The following RNF180 variants were observed in gnomAD, a reference collection of about 807,000 sequenced individuals.
RNF180 encodes E3 ubiquitin-protein ligase RNF180.
A neutral mutation model predicts 59.2 loss-of-function variants in RNF180; 38 were observed. The ratio of observed to expected loss-of-function variants is 0.64; its 90% CI spans 0.50 to 0.84. The LOEUF (loss-of-function observed/expected upper bound fraction) is 0.84. Ranked by LOEUF, RNF180 falls within the 40% of genes least tolerant of loss-of-function variation. RNF180 has a pLI of 0.00. For synonymous variants in RNF180, 262 were observed against 240.3 expected (o/e 1.09, Z -0.84); for missense variants, 705 against 700.9 (o/e 1.01, Z -0.07).
chr5:64,187,873 T>C (rs1750948102), intron 1 of RNF180, among the ~76,000 whole-genome samples: 1 of 152,224 alleles, frequency 6.6e-6, no homozygotes. Context: ...CCTAAGGTGT[T>C]CTTAAATGAT....
chr5:64,197,298 T>C (rs1751503204), intron 1 of RNF180, among the ~76,000 whole-genome samples: 2 of 152,232 alleles, frequency 1.3e-5, no homozygotes, highest in African/African-American at 4.8e-5. Flanking sequence ...AACAACACTT[T>C]TGAGATAGCT....
intron 5 of RNF180, among the ~76,000 whole-genome samples, chr5:64,304,616 A>G (rs562911028): frequency 2.9e-4 from 44 of 151,820 alleles, no homozygotes; most frequent in Admixed American, 5.9e-4. Context: ...CTACAATCTC[A>G]TGATACAATT....
intron 5 of RNF180, 195 bp downstream of exon 5, chr5:64,217,591 T>C (rs1263169579): frequency 5.9e-6 from 5 of 845,226 alleles, no homozygotes; most frequent in Non-Finnish European, 7.9e-6. Flanking sequence ...TAATTTGCTT[T>C]TCCTTAAGGA....
At chr5:64,333,336 C>A (rs540178585) in intron 7 of RNF180, among the ~76,000 whole-genome samples, 11 of 152,058 alleles carry the variant, frequency 7.2e-5, no homozygotes, top group Non-Finnish European at 1.6e-4. Flanking sequence ...TGCTACCATG[C>A]CAAGCTTTTT....
At chr5:64,313,742 A>T (rs536497950) in intron 5 of RNF180, among the ~76,000 whole-genome samples, 36 of 152,168 alleles carry the variant, frequency 2.4e-4, no homozygotes, top group South Asian at 2.3e-3. Context: ...TGCTTTCCAC[A>T]GTAGCTGAAC....
intron 5 of RNF180, among the ~76,000 whole-genome samples, chr5:64,295,991 T>C (rs1742864026): frequency 6.6e-6 from 1 of 152,186 alleles, no homozygotes; most frequent in South Asian, 2.1e-4. Context: ...CTTGCTTCCA[T>C]TGTTTTGCTC....
intron 5 of RNF180, among the ~76,000 whole-genome samples, chr5:64,227,817 A>C (rs1741862658): frequency 6.6e-6 from 1 of 152,206 alleles, no homozygotes; most frequent in African/African-American, 2.4e-5. Context: ...AAAATAAATA[A>C]ATAAATAAAA....
At chr5:64,210,589 G>A (rs746577461) in intron 2 of RNF180, among the ~76,000 whole-genome samples, 1 of 152,056 alleles carries the variant, frequency 6.6e-6, no homozygotes, top group African/African-American at 2.4e-5. Context: ...GATAGAATGT[G>A]ACTTAAAGTT....
chr5:64,168,305 A>T (rs866061758), intron 1 of RNF180, among the ~76,000 whole-genome samples: 1 of 152,210 alleles, frequency 6.6e-6, no homozygotes, highest in Non-Finnish European at 1.5e-5. Flanking sequence ...ACTATTAAGG[A>T]TATTTAAAGG....
intron 5 of RNF180, among the ~76,000 whole-genome samples, chr5:64,230,269 A>G (rs955857107): frequency 6.6e-6 from 1 of 152,258 alleles, no homozygotes; most frequent in Admixed American, 6.5e-5. Flanking sequence ...ACCACAAATT[A>G]AGTTGTTTAA....
At chr5:64,181,164 T>G (rs1228679923) in intron 1 of RNF180, among the ~76,000 whole-genome samples, 1 of 152,218 alleles carries the variant, frequency 6.6e-6, no homozygotes, top group East Asian at 1.9e-4. Context: ...CTAGCCTCGC[T>G]GGCAGCTGAT....
chr5:64,360,910 A>G (rs2112604590), intron 7 of RNF180, among the ~76,000 whole-genome samples: 1 of 151,786 alleles, frequency 6.6e-6, no homozygotes. Context: ...CTCTAAGCTT[A>G]CAAAACTCAA....
chr5:64,171,516 T>C (rs1333148580), intron 1 of RNF180, among the ~76,000 whole-genome samples: 2 of 152,184 alleles, frequency 1.3e-5, no homozygotes, highest in African/African-American at 4.8e-5. Flanking sequence ...TCATTGTACA[T>C]GTTCAAATGG....
chr5:64,165,773 G>C (rs932609682), upstream of RNF180: 2 of 152,230 alleles, frequency 1.3e-5, no homozygotes, highest in Non-Finnish European at 2.9e-5. Flanking sequence ...CCGAGGCCGC[G>C]GGGTCGGGGC....
intron 7 of RNF180, among the ~76,000 whole-genome samples, chr5:64,350,329 G>T (rs1323708235): frequency 2.0e-5 from 3 of 152,036 alleles, no homozygotes; most frequent in African/African-American, 4.8e-5. Flanking sequence ...TGTCAGATGA[G>T]TAGATTGCAA....
chr5:64,222,544 C>A (rs1163842910), intron 5 of RNF180, among the ~76,000 whole-genome samples: 1 of 152,138 alleles, frequency 6.6e-6, no homozygotes, highest in Non-Finnish European at 1.5e-5. Flanking sequence ...TAAGTTATGA[C>A]AACAGGTGTG....
chr5:64,292,908 A>G (rs1375523253), intron 5 of RNF180, among the ~76,000 whole-genome samples: 1 of 152,158 alleles, frequency 6.6e-6, no homozygotes, highest in East Asian at 1.9e-4. Context: ...TCTGGCCACA[A>G]TCTGGCACAG....
chr5:64,270,094 A>G (rs956662709), intron 5 of RNF180, among the ~76,000 whole-genome samples: 1 of 152,150 alleles, frequency 6.6e-6, no homozygotes, highest in Non-Finnish European at 1.5e-5. Context: ...ACAGAAATAC[A>G]TGAAAAGATT....
At chr5:64,207,076 A>G (rs2112086374) in intron 2 of RNF180, among the ~76,000 whole-genome samples, 1 of 152,098 alleles carries the variant, frequency 6.6e-6, no homozygotes, top group African/African-American at 2.4e-5. Flanking sequence ...ATCTTCTATT[A>G]ATATTATAAC....
Sources: gnomAD v4.1 joint callset for allele counts (sites outside exome capture counted in the v4.1 genomes callset) on GRCh38, gnomAD v4.1.1 for gene constraint, MANE v1.5 for transcripts, NCBI Gene and HGNC (gene_info 2026-07-23, HGNC 2026-07-21) for gene names.